Variants in SUSD4 observed in about 807,000 individuals in gnomAD.
The protein encoded by SUSD4 is sushi domain containing 4.
In SUSD4, 41 loss-of-function variants were observed where a neutral mutation model predicts 50.5. That is an observed-to-expected ratio of 0.81 (90% CI 0.63 to 1.05). The LOEUF is 1.05. Among genes scored for constraint, SUSD4 ranks in the 50% least tolerant of loss-of-function variants. The pLI is 0.00. For synonymous variants in SUSD4, 257 were observed against 257.3 expected (o/e 1.00, Z 0.01); for missense variants, 580 against 634.7 (o/e 0.91, Z 0.93).
At chr1:223,239,312 C>T (rs150161911) in intron 5 of SUSD4, among the ~76,000 whole-genome samples, 42 of 152,056 alleles carry the variant, frequency 2.8e-4, no homozygotes, top group African/African-American at 9.2e-4. Flanking sequence ...GTCTTTTAAT[C>T]GGTGCATTTA....
At chr1:223,353,164 G>A (rs1668460506) in intron 2 of SUSD4, among the ~76,000 whole-genome samples, 1 of 152,094 alleles carries the variant, frequency 6.6e-6, no homozygotes, top group African/African-American at 2.4e-5. Context: ...CAGGCACTGA[G>A]AACAGACTGG....
Position 223,302,165 on chromosome 1 carries a change from G to T in SUSD4, c.149-9514C>A, listed in dbSNP as rs918919750. ...TGCTCCAGCCACGTAAGATGTGCCTGCTTCCCCTTCACCTTCCACCATGAT... is the reference window on the plus strand; with the variant it reads ...TGCTCCAGCCACGTAAGATGTGCCTTCTTCCCCTTCACCTTCCACCATGAT... On this transcript the variant is annotated intron_variant, in intron 2 of 8. Transcript: ENST00000366878. 2.0e-5 allele frequency among the ~76,000 whole-genome samples: 3 copies of T among 152,110 alleles called. No homozygotes were observed. In the East Asian group the frequency reaches 5.8e-4, roughly 29 times the overall value.
chr1:223,363,271 C>A lies in SUSD4; in HGVS notation c.148+7G>T. 1 of 1,580,682 alleles carries A rather than the reference C, an allele frequency of 6.3e-7. No homozygotes were observed. Among genetic ancestry groups the A allele is most frequent in the South Asian group, 1.2e-5 (1 of 84,768 alleles). On this transcript the variant is annotated splice_region_variant and intron_variant, in intron 2 of 8. Transcript: ENST00000366878. ...CCAGGCCCTCCCACCACAGCTGGGT[C>A]ACTCACCGCCCGTGAGCTGTGCAGG...
At chr1:223,286,825 T>C (rs1278421216) in intron 3 of SUSD4, among the ~76,000 whole-genome samples, 2 of 152,232 alleles carry the variant, frequency 1.3e-5, no homozygotes, top group African/African-American at 4.8e-5. Flanking sequence ...CCCTTTCAGA[T>C]CAAGGAACCT....
Position 223,363,363 on chromosome 1 carries a change from C to CTGCTGT in SUSD4, c.62_63insACAGCA (p.Gln21_Gln22dup), listed in dbSNP as rs568360954. 6.4e-7 allele frequency: 1 copy of CTGCTGT among 1,562,254 alleles called. No homozygotes were observed. ...AGAGTCTCTGGGGGGACTGAGGTTG[C>CTGCTGT]TGCTGCTGCTGCTGCTGCTCTAGAA... is the stretch of plus-strand genomic sequence containing the variant. On this transcript the variant is annotated inframe_insertion, in exon 2 of 9. Coordinates refer to ENST00000366878, the MANE Select transcript of SUSD4 (RefSeq NM_017982.4).
At chr1:223,356,988 C>A (rs1051587783) in intron 2 of SUSD4, among the ~76,000 whole-genome samples, 2 of 152,202 alleles carry the variant, frequency 1.3e-5, no homozygotes, top group Non-Finnish European at 2.9e-5. Flanking sequence ...AAGGGAGCAA[C>A]AGAGCTCAGA....
chr1:223,292,945 G>C (rs936651250), intron 2 of SUSD4, among the ~76,000 whole-genome samples: 1 of 152,192 alleles, frequency 6.6e-6, no homozygotes. Context: ...TGCCACAAAA[G>C]ATGTACAAAA....
chr1:223,245,415 C>T (rs1017852403), intron 5 of SUSD4, among the ~76,000 whole-genome samples: 1 of 151,794 alleles, frequency 6.6e-6, no homozygotes, highest in African/African-American at 2.4e-5. Flanking sequence ...CCAGGAAGTG[C>T]TGGAGGAGGA....
Position 223,268,661 on chromosome 1 carries a change from G to C in SUSD4, c.376C>G (p.Gln126Glu), listed in dbSNP as rs574198091. ...TTATGAATCTCAGCATCTTCGATTT[G>C]AGGGATACGGCAATCTGCAATTTTG... Reference protein sequence around the residue: ...ICVQEDCRIPQIEDAEIHNKT... With the variant: ...ICVQEDCRIPEIEDAEIHNKT... The change falls in exon 4 of 9, where the codon CAA becomes GAA. Residue 126 changes from glutamine to glutamate, a missense_variant. Physicochemically the swap from Gln to Glu is conservative, Grantham distance 29. Transcript: ENST00000366878. 332 of 1,612,528 alleles carry C rather than the reference G, an allele frequency of 2.1e-4. 5 individuals carry two copies. The South Asian group carries it at 3.5e-3, about 17-fold the overall frequency.
At chr1:223,276,283 T>C (rs911378340) in intron 3 of SUSD4, among the ~76,000 whole-genome samples, 7 of 152,208 alleles carry the variant, frequency 4.6e-5, no homozygotes, top group Non-Finnish European at 1.0e-4. Context: ...GTGCTGATGA[T>C]GTTGTTGTTC....
intron 2 of SUSD4, among the ~76,000 whole-genome samples, chr1:223,315,150 T>C (rs915188072): frequency 6.6e-6 from 1 of 152,230 alleles, no homozygotes; most frequent in African/African-American, 2.4e-5. Context: ...CATTCCTGGG[T>C]GTAAGCCAAG....
In SUSD4 at chr1:223,220,886, T is replaced by C. The variant is rs3768284; in HGVS notation, c.*1306A>G. On this transcript the variant is annotated 3_prime_UTR_variant, in exon 9 of 9. Coordinates refer to ENST00000366878, the MANE Select transcript of SUSD4 (RefSeq NM_017982.4). ...AAGAAGAAACAGGACTTGATCAAGC[T>C]TCCAGCCCTCACCACTCTATCAGCA... 0.018 allele frequency: 7,349 copies of C among 398,444 alleles called. 261 individuals carry two copies. Among genetic ancestry groups the C allele is most frequent in the African/African-American group, 0.085 (4,137 of 48,790 alleles). 24.7% of individuals were successfully genotyped at this position (398,444 alleles called of 1,614,324 possible). A position where few individuals can be genotyped will look rare whatever the true frequency, so the allele number is the denominator to read the frequency against.
In SUSD4 at chr1:223,315,265, C is replaced by T. The variant is rs79356211; in HGVS notation, c.149-22614G>A. On this transcript the variant is annotated intron_variant, in intron 2 of 8. Transcript: ENST00000366878. Reference sequence around the variant, plus strand: ...ATGAAGGGCCATCAGGTTAGGAGGACGTTAGAAGGTTGAATTCTGCTAAAG... The same window carrying T: ...ATGAAGGGCCATCAGGTTAGGAGGATGTTAGAAGGTTGAATTCTGCTAAAG... Among the ~76,000 whole-genome samples the T allele has an allele frequency of 9.4e-3, 1,425 of 152,290 alleles. 39 individuals carry two copies. In the East Asian group the frequency reaches 0.11, roughly 11 times the overall value.
chr1:223,252,233 A>AT lies in SUSD4; in HGVS notation c.724+12396_724+12397insA, dbSNP rs1266360432. The stretch of plus-strand genomic sequence containing the variant: ...TAAAGTATAATTAAAAAAAAAAAAA[A>AT]AAAATATATATATATATATATAAAA... On this transcript the variant is annotated intron_variant, in intron 5 of 8. Transcript: ENST00000366878. 1.0e-2 allele frequency among the ~76,000 whole-genome samples: 632 copies of AT among 63,440 alleles called. 5 individuals carry two copies. Among genetic ancestry groups the AT allele is most frequent in the African/African-American group, 0.018 (411 of 22,358 alleles). The allele number at this position is 63,440 out of a possible 152,430, so 41.6% of individuals were successfully genotyped here. A position where few individuals can be genotyped will look rare whatever the true frequency, so the allele number is the denominator to read the frequency against.
intron 5 of SUSD4, among the ~76,000 whole-genome samples, chr1:223,236,946 G>A (rs368165479): frequency 1.8e-4 from 27 of 152,214 alleles, no homozygotes; most frequent in African/African-American, 4.6e-4. Flanking sequence ...TGGGAAGAAC[G>A]AACATCTGGA....
At chr1:223,271,521 G>T (rs562556372) in intron 3 of SUSD4, among the ~76,000 whole-genome samples, 1 of 152,260 alleles carries the variant, frequency 6.6e-6, no homozygotes, top group African/African-American at 2.4e-5. Context: ...TTTACTATGT[G>T]GGAGGAGCCA....
chr1:223,244,197 A>T (rs534014368), intron 5 of SUSD4, among the ~76,000 whole-genome samples: 2 of 152,352 alleles, frequency 1.3e-5, no homozygotes, highest in East Asian at 3.9e-4. Context: ...AAGGAGGTAG[A>T]TGTTCTTTTA....
Position 223,332,666 on chromosome 1 carries a change from G to A in SUSD4, c.148+30612C>T, listed in dbSNP as rs1667239556. 1.3e-5 allele frequency among the ~76,000 whole-genome samples: 2 copies of A among 152,268 alleles called. No homozygotes were observed. The highest frequency in any genetic ancestry group is 1.9e-4 in the East Asian group (1 of 5,178). ...TAATTCTGCAATTCTCAGTGACTGCGGGTAGCCGTGGGGAGACAGGCATCT... is the reference window on the plus strand; with the variant it reads ...TAATTCTGCAATTCTCAGTGACTGCAGGTAGCCGTGGGGAGACAGGCATCT... On this transcript the variant is annotated intron_variant, in intron 2 of 8. Transcript: ENST00000366878. This position sits in a 1 kb window ranked among gnomAD's most constrained non-coding sequence, Gnocchi z 4.0.
intron 2 of SUSD4, among the ~76,000 whole-genome samples, chr1:223,336,009 TA>T (rs796289719): frequency 5.2e-4 from 75 of 144,640 alleles, no homozygotes; most frequent in Admixed American, 1.1e-3. Context: ...AAAAGTTGTT[TA>T]AAAAAAAAAA....
Sources: allele counts gnomAD v4.1 joint callset (sites outside exome capture counted in the v4.1 genomes callset), GRCh38; gene constraint gnomAD v4.1.1; non-coding constraint Gnocchi (gnomAD v3.1); transcripts MANE v1.5; gene names NCBI Gene and HGNC (gene_info 2026-07-23, HGNC 2026-07-21).